The following LY96 variants were observed in gnomAD, a reference collection of about 807,000 sequenced individuals.
LY96 encodes the protein myeloid differentiation protein-2.
In LY96, 18 loss-of-function variants were observed where a neutral mutation model predicts 18.9. The ratio of observed to expected loss-of-function variants is 0.95; its 90% confidence interval spans 0.66 to 1.41. The LOEUF (loss-of-function observed/expected upper bound fraction) is 1.41. LY96 is among the 40% of genes most tolerant of loss of function. LY96 has a pLI of 0.00. For synonymous variants in LY96, 66 were observed against 62.6 expected (o/e 1.06, Z -0.26); for missense variants, 175 against 182.4 (o/e 0.96, Z 0.23).
At chr8:74,023,798 T>C (rs1816816207) in intron 3 of LY96, among the ~76,000 whole-genome samples, 1 of 152,220 alleles carries the variant, frequency 6.6e-6, no homozygotes, top group Non-Finnish European at 1.5e-5. Context: ...AATGCTTTAA[T>C]ATTTGCATTT....
intron 1 of LY96, among the ~76,000 whole-genome samples, chr8:74,000,941 C>G (rs1269131332): frequency 6.6e-6 from 1 of 152,202 alleles, no homozygotes; most frequent in Non-Finnish European, 1.5e-5. Flanking sequence ...CCCACAATAA[C>G]TAATCCACTC....
At chr8:74,066,089 A>G in the LY96 span, among the ~76,000 whole-genome samples, 2 of 152,086 alleles carry the variant, frequency 1.3e-5, no homozygotes, top group Non-Finnish European at 2.9e-5. Flanking sequence ...TAAATAATAG[A>G]CATTTATTTC....
chr8:74,003,573 C>A (rs556034818), intron 1 of LY96, among the ~76,000 whole-genome samples: 1 of 152,186 alleles, frequency 6.6e-6, no homozygotes, highest in Admixed American at 6.5e-5. Context: ...TCACGACCTT[C>A]GCTGTACTTC....
the LY96 span, among the ~76,000 whole-genome samples, chr8:74,050,998 G>A: frequency 7.2e-5 from 11 of 152,188 alleles, no homozygotes; most frequent in Non-Finnish European, 1.2e-4. Context: ...ACTCCAGCCT[G>A]AGCGACAGAG....
At chr8:74,037,493 A>G in the LY96 span, among the ~76,000 whole-genome samples, 30 of 152,040 alleles carry the variant, frequency 2.0e-4, no homozygotes, top group Non-Finnish European at 2.8e-4. Context: ...TTAGCCAAGC[A>G]TCGCAGCACC....
Position 74,010,145 on chromosome 8 carries a change from A to C in LY96, c.331+16A>C. The C allele has an allele frequency of 6.2e-7, 1 of 1,604,844 alleles. No individual in the cohort carries two copies. Among genetic ancestry groups the C allele is most frequent in the Non-Finnish European group, 8.5e-7 (1 of 1,172,122 alleles). ...CTGAAGGGAGGTAAGTATTCAGTTCATATTACTTTTAGAATAGGAAATAAT... is the reference window on the plus strand; with the variant it reads ...CTGAAGGGAGGTAAGTATTCAGTTCCTATTACTTTTAGAATAGGAAATAAT... On this transcript the variant is annotated intron_variant, in intron 3 of 4. Transcript: ENST00000284818.
intron 2 of LY96, among the ~76,000 whole-genome samples, chr8:74,008,621 ATTCT>A (rs879519398): frequency 0.011 from 1,682 of 152,330 alleles, 20 homozygotes; most frequent in African/African-American, 0.029. Context: ...GGGACTGGGA[ATTCT>A]AGTGCCAACT....
At chr8:74,046,358 C>T in the LY96 span, among the ~76,000 whole-genome samples, 38 of 152,240 alleles carry the variant, frequency 2.5e-4, no homozygotes, top group African/African-American at 7.2e-4. Flanking sequence ...GCAACAACTT[C>T]GCAGTCAACA....
chr8:74,052,902 C>A, the LY96 span, among the ~76,000 whole-genome samples: 1 of 152,096 alleles, frequency 6.6e-6, no homozygotes, highest in African/African-American at 2.4e-5. Context: ...AATATTGAAC[C>A]AATGCTGTCA....
intron 1 of LY96, among the ~76,000 whole-genome samples, chr8:73,997,484 A>AC (rs1816175269): frequency 6.6e-6 from 1 of 152,060 alleles, no homozygotes; most frequent in Non-Finnish European, 1.5e-5. Flanking sequence ...AGATAATGTG[A>AC]CCCCTCCTGC....
chr8:74,030,843 C>A (rs1384436506), downstream of LY96, among the ~76,000 whole-genome samples: 1 of 152,336 alleles, frequency 6.6e-6, no homozygotes, highest in East Asian at 1.9e-4. Flanking sequence ...AACTACTGGG[C>A]CACCTTCAGC....
chr8:74,016,555 C>A (rs1198022594), intron 3 of LY96, among the ~76,000 whole-genome samples: 1 of 152,222 alleles, frequency 6.6e-6, no homozygotes, highest in Non-Finnish European at 1.5e-5. Context: ...GACAGACTGT[C>A]TCCTCAAGTG....
chr8:74,062,598 G>A, the LY96 span, among the ~76,000 whole-genome samples: 1 of 152,128 alleles, frequency 6.6e-6, no homozygotes, highest in East Asian at 1.9e-4. Flanking sequence ...TGGCTGCATA[G>A]TATTCCATGG....
the LY96 span, among the ~76,000 whole-genome samples, chr8:74,078,436 C>T: frequency 6.6e-6 from 1 of 152,208 alleles, no homozygotes; most frequent in Non-Finnish European, 1.5e-5. Flanking sequence ...CATACATTGT[C>T]TAAATTCTCA....
At chr8:74,068,079 A>ATATATATATATATATATATAT in the LY96 span, among the ~76,000 whole-genome samples, 7 of 97,232 alleles carry the variant, frequency 7.2e-5, no homozygotes, top group African/African-American at 3.2e-4. Flanking sequence ...AAAAAAAAAA[A>ATATATATATATATATATATAT]AAAAAAAAAA....
the LY96 span, among the ~76,000 whole-genome samples, chr8:74,092,515 C>T: frequency 6.6e-6 from 1 of 152,164 alleles, no homozygotes; most frequent in Non-Finnish European, 1.5e-5. Flanking sequence ...CCTGGGCTGC[C>T]ATTTCTCTCC....
chr8:74,047,059 A>G, the LY96 span, among the ~76,000 whole-genome samples: 11 of 151,844 alleles, frequency 7.2e-5, no homozygotes, highest in African/African-American at 2.4e-4. Context: ...ACGCCACCAC[A>G]CCCAGGTAAT....
the LY96 span, among the ~76,000 whole-genome samples, chr8:74,069,513 T>C: frequency 6.6e-6 from 1 of 152,360 alleles, no homozygotes; most frequent in East Asian, 1.9e-4. Flanking sequence ...ATCATTTGCA[T>C]GTTCAGTTCC....
intron 4 of LY96, among the ~76,000 whole-genome samples, chr8:74,027,391 C>T (rs1375320258): frequency 5.3e-5 from 8 of 151,608 alleles, no homozygotes; most frequent in African/African-American, 7.3e-5. Flanking sequence ...CTGCAACTTC[C>T]GCCTCCCAGG....
Sources: gnomAD v4.1 joint callset for allele counts (sites outside exome capture counted in the v4.1 genomes callset) on GRCh38, gnomAD v4.1.1 for gene constraint, MANE v1.5 for transcripts, NCBI Gene and HGNC (gene_info 2026-07-23, HGNC 2026-07-21) for gene names.